Variants in ELOVL6 observed in about 807,000 individuals in gnomAD.
ELOVL6 encodes the protein very long chain fatty acid elongase 6.
In ELOVL6, 8 loss-of-function variants were observed where a neutral mutation model predicts 31.7. The ratio of observed to expected loss-of-function variants is 0.25; its 90% CI spans 0.15 to 0.45. The LOEUF is 0.45. Ranked by LOEUF, ELOVL6 falls within the 20% of genes least tolerant of loss-of-function variation. ELOVL6 has a pLI of 1.00. For synonymous variants in ELOVL6, 101 were observed against 117.7 expected (o/e 0.86, Z 0.92); for missense variants, 126 against 326.4 (o/e 0.39, Z 4.73).
chr4:110,103,641 A>G (rs1283081865), intron 2 of ELOVL6, among the ~76,000 whole-genome samples: 2 of 152,244 alleles, frequency 1.3e-5, no homozygotes, highest in African/African-American at 4.8e-5. Flanking sequence ...TACAACTTAT[A>G]AGAAATAGAA....
chr4:110,196,447 A>AC (rs1412532725), intron 1 of ELOVL6, among the ~76,000 whole-genome samples: 1 of 151,460 alleles, frequency 6.6e-6, no homozygotes, highest in Non-Finnish European at 1.5e-5. Context: ...CTCCAGCACC[A>AC]CCCCCTAAGC....
chr4:110,051,777 G>A lies in ELOVL6; in HGVS notation c.374-15C>T. 6.2e-6 allele frequency: 10 copies of A among 1,605,794 alleles called. No homozygotes were observed. Among genetic ancestry groups the A allele is most frequent in the Non-Finnish European group, 8.5e-6 (10 of 1,175,876 alleles). ...TATTGTATCTCCTGGAAGACAAAGAGGAAGAAGGTACGTGAGATCCTTGAC... is the reference window on the plus strand; with the variant it reads ...TATTGTATCTCCTGGAAGACAAAGAAGAAGAAGGTACGTGAGATCCTTGAC... On this transcript the variant is annotated splice_polypyrimidine_tract_variant and intron_variant, in intron 3 of 3. Coordinates refer to ENST00000302274, the MANE Select transcript of ELOVL6 (RefSeq NM_024090.3). This position sits in a 1 kb window ranked among gnomAD's most constrained non-coding sequence, Gnocchi z 4.8.
chr4:110,183,033 C>A (rs1759336883), intron 1 of ELOVL6, among the ~76,000 whole-genome samples: 1 of 152,114 alleles, frequency 6.6e-6, no homozygotes, highest in South Asian at 2.1e-4. Context: ...TAAAATCTCT[C>A]CAAACCTGAA....
At chr4:110,098,701 A>G (rs1756661142) in intron 2 of ELOVL6, among the ~76,000 whole-genome samples, 1 of 152,152 alleles carries the variant, frequency 6.6e-6, no homozygotes, top group African/African-American at 2.4e-5. Flanking sequence ...TTACACTTCC[A>G]GGATTATTTC....
At chr4:110,064,657 A>C in intron 2 of ELOVL6, among the ~76,000 whole-genome samples, 1 of 149,700 alleles carries the variant, frequency 6.7e-6, no homozygotes, top group African/African-American at 2.4e-5. Flanking sequence ...CATATTAGAA[A>C]TTTTTTTTTT....
At chr4:110,158,635 G>GTATATATATATATATATATA (rs780807092) in intron 1 of ELOVL6, among the ~76,000 whole-genome samples, 18 of 81,558 alleles carry the variant, frequency 2.2e-4, no homozygotes, top group South Asian at 4.1e-4. Flanking sequence ...ATATACACGT[G>GTATATATATATATATATATA]TATATATATA....
chr4:110,080,141 C>T (rs1755788264), intron 2 of ELOVL6, among the ~76,000 whole-genome samples: 1 of 152,122 alleles, frequency 6.6e-6, no homozygotes, highest in Admixed American at 6.5e-5. Context: ...GATGGATTCA[C>T]AGCCGAATTC....
At chr4:110,172,037 C>T (rs1375288668) in intron 1 of ELOVL6, among the ~76,000 whole-genome samples, 3 of 152,110 alleles carry the variant, frequency 2.0e-5, no homozygotes, top group African/African-American at 4.8e-5. Flanking sequence ...CCTGAGTTCT[C>T]TGAGCCTGTC....
At chr4:110,168,626 A>G (rs1170938524) in intron 1 of ELOVL6, among the ~76,000 whole-genome samples, 7 of 152,156 alleles carry the variant, frequency 4.6e-5, no homozygotes, top group Admixed American at 1.3e-4. Context: ...AATGAGCCCC[A>G]CCATATGCTT....
chr4:110,065,773 A>G lies in ELOVL6; in HGVS notation c.222-6019T>C, dbSNP rs76819876. ...GTAAGTCAAAATGGAATAGCTCAGTAATGTTAAGAATTCCAGAATTCTGCC... is the reference window on the plus strand; with the variant it reads ...GTAAGTCAAAATGGAATAGCTCAGTGATGTTAAGAATTCCAGAATTCTGCC... On this transcript the variant is annotated intron_variant, in intron 2 of 3. Coordinates refer to ENST00000302274, the MANE Select transcript of ELOVL6 (RefSeq NM_024090.3). Among the ~76,000 whole-genome samples, 8 of 152,352 alleles carry G rather than the reference A, an allele frequency of 5.3e-5. No individual in the cohort carries two copies. The East Asian group carries it at 1.5e-3, about 29-fold the overall frequency.
At chr4:110,140,346 C>T (rs1757919355) in intron 1 of ELOVL6, among the ~76,000 whole-genome samples, 1 of 152,162 alleles carries the variant, frequency 6.6e-6, no homozygotes, top group Non-Finnish European at 1.5e-5. Context: ...CTAGCAGTTT[C>T]TATCCCCTGC....
chr4:110,063,201 A>G (rs1755194753), intron 2 of ELOVL6, among the ~76,000 whole-genome samples: 1 of 152,188 alleles, frequency 6.6e-6, no homozygotes, highest in Non-Finnish European at 1.5e-5. Context: ...GATTGTTCAC[A>G]TTATTCCTAT....
At chr4:110,085,580 C>G (rs559468785) in intron 2 of ELOVL6, among the ~76,000 whole-genome samples, 36 of 152,186 alleles carry the variant, frequency 2.4e-4, no homozygotes, top group Non-Finnish European at 4.6e-4. Context: ...GGGACAGTTA[C>G]TGTAAGAGTC....
At chr4:110,080,544 C>G (rs1005479426) in intron 2 of ELOVL6, among the ~76,000 whole-genome samples, 10 of 152,142 alleles carry the variant, frequency 6.6e-5, no homozygotes, top group African/African-American at 2.4e-4. Context: ...TTCAACAGCG[C>G]TTCATGCTAA....
intron 2 of ELOVL6, among the ~76,000 whole-genome samples, chr4:110,097,271 C>CTTCA (rs1467713961): frequency 7.8e-5 from 11 of 141,032 alleles, no homozygotes; most frequent in Non-Finnish European, 1.6e-4. Context: ...TGCCACTGTA[C>CTTCA]TTCAGCCTGG....
intron 2 of ELOVL6, among the ~76,000 whole-genome samples, chr4:110,080,674 A>T (rs1199169188): frequency 6.6e-6 from 1 of 152,202 alleles, no homozygotes; most frequent in Non-Finnish European, 1.5e-5. Context: ...CCCTTTGAAA[A>T]CTGGCACAAG....
intron 1 of ELOVL6, among the ~76,000 whole-genome samples, chr4:110,169,636 C>T (rs1020342999): frequency 7.2e-5 from 11 of 152,122 alleles, no homozygotes; most frequent in East Asian, 3.8e-4. Flanking sequence ...GAAGGATTCA[C>T]GGTGTGTGTG....
intron 1 of ELOVL6, among the ~76,000 whole-genome samples, chr4:110,130,051 C>A (rs1344368695): frequency 6.6e-6 from 1 of 151,872 alleles, no homozygotes; most frequent in Non-Finnish European, 1.5e-5. Flanking sequence ...TCATGCGCCA[C>A]CATGCCCAGC....
chr4:110,150,277 T>C (rs1474719154), intron 1 of ELOVL6, among the ~76,000 whole-genome samples: 1 of 152,212 alleles, frequency 6.6e-6, no homozygotes, highest in African/African-American at 2.4e-5. Context: ...AAATTCATTA[T>C]ACTCAAATTC....
Sources: allele counts gnomAD v4.1 joint callset (sites outside exome capture counted in the v4.1 genomes callset), GRCh38; gene constraint gnomAD v4.1.1; non-coding constraint Gnocchi (gnomAD v3.1); transcripts MANE v1.5; gene names NCBI Gene and HGNC (gene_info 2026-07-23, HGNC 2026-07-21).